Variants in FREM3 observed in about 807,000 individuals in gnomAD.
FREM3 encodes FRAS1-related extracellular matrix protein 3.
A neutral mutation model predicts 129.1 loss-of-function variants in FREM3; 105 were observed. That is an observed-to-expected ratio of 0.81 (90% CI 0.69 to 0.96). The LOEUF (loss-of-function observed/expected upper bound fraction) is 0.96. Ranked by LOEUF, FREM3 falls within the 40% of genes least tolerant of loss-of-function variation. The pLI is 0.00. For synonymous variants in FREM3, 1,014 were observed against 1,044.9 expected, an observed-to-expected ratio of 0.97 and a Z score of 0.57; for missense variants, 2,593 against 2,666.3, an observed-to-expected ratio of 0.97 and a Z score of 0.61.
At position 143,696,418 on chromosome 4, in the gene FREM3, C is replaced by T. The variant is rs574224108; in HGVS notation, c.4258G>A (p.Gly1420Ser). ...TCAGGGAAGACGCTGTCTAAGTTGC[C>T]AATGGTGACATAGAAGTAGTGGTCT... ...LTDHYFYVTI[G>S]NLDSVFPEVI... Residue 1420 changes from glycine to serine, a missense_variant, in exon 1 of 8, where the codon GGC (glycine) becomes AGC (serine). Gly to Ser is a moderately conservative substitution (Grantham distance 56, BLOSUM62 0). Around this residue, in one of 2 missense-constraint regions of FREM3, gnomAD observed 2,276 missense variants for 2,267.2 expected, o/e 1.00. Coordinates refer to ENST00000329798, the MANE Select transcript of FREM3 (RefSeq NM_001168235.2). 5.9e-6 allele frequency: 9 copies of T among 1,537,486 alleles called. No homozygotes were observed. The African/African-American group carries it at 1.1e-4, about 19-fold the overall frequency.
At chr4:143,588,001 G>T (rs985302657) in intron 6 of FREM3, among the ~76,000 whole-genome samples, 2 of 152,076 alleles carry the variant, frequency 1.3e-5, no homozygotes, top group Non-Finnish European at 2.9e-5. Flanking sequence ...TAAACTCCAG[G>T]AATACCACTT....
intron 2 of FREM3, among the ~76,000 whole-genome samples, chr4:143,658,477 A>T (rs1163919436): frequency 6.6e-6 from 1 of 152,196 alleles, no homozygotes; most frequent in Non-Finnish European, 1.5e-5. Flanking sequence ...TTTAAAAGCC[A>T]TCTAATTTAT....
rs1388078346 is a variant in FREM3, at chr4:143,696,685, TG to T, written c.3990del (p.Lys1331ArgfsTer28). The T allele has an allele frequency of 6.5e-7, 1 of 1,537,560 alleles. No individual in the cohort carries two copies. Among genetic ancestry groups the T allele is most frequent in the Non-Finnish European group, 8.7e-7 (1 of 1,146,888 alleles). On this transcript the variant is annotated frameshift_variant, in exon 1 of 8. Coordinates refer to ENST00000329798, the MANE Select transcript of FREM3 (RefSeq NM_001168235.2). LOFTEE classifies it high-confidence loss of function. ...TCATCTGAGTCAAGATCTGTGGCCT[TG>T]AGGATCCGATTTGTGATGATCTCAG... ...GHSEIITNRILKATDLDSDDK... is the reference protein window; with the variant it reads ...GHSEIITNRIXKATDLDSDDK...
chr4:143,675,339 CA>C (rs765296584), intron 2 of FREM3, among the ~76,000 whole-genome samples: 22 of 151,900 alleles, frequency 1.4e-4, no homozygotes, highest in Non-Finnish European at 3.1e-4. Flanking sequence ...TCTTTGAAAC[CA>C]ACGAGAACAA....
intron 5 of FREM3, among the ~76,000 whole-genome samples, chr4:143,613,538 C>T (rs1193058120): frequency 6.6e-6 from 1 of 152,172 alleles, no homozygotes; most frequent in Non-Finnish European, 1.5e-5. Context: ...TAGAAAGGCT[C>T]TCAAGATGAG....
chr4:143,680,876 AT>A (rs1227137446), intron 2 of FREM3, among the ~76,000 whole-genome samples: 1 of 152,134 alleles, frequency 6.6e-6, no homozygotes, highest in African/African-American at 2.4e-5. Context: ...CCTGATAAAT[AT>A]TTTTTAAATC....
At chr4:143,656,450 C>T (rs561207535) in intron 2 of FREM3, among the ~76,000 whole-genome samples, 2 of 152,156 alleles carry the variant, frequency 1.3e-5, no homozygotes, top group South Asian at 2.1e-4. Context: ...AAAAGCAGTA[C>T]CATATATACA....
At position 143,695,770 on chromosome 4, in the gene FREM3, G is replaced by A. The variant is rs747495035; in HGVS notation, c.4906C>T (p.Pro1636Ser). 2.3e-5 allele frequency: 35 copies of A among 1,537,160 alleles called. No homozygotes were observed. In the South Asian group the frequency reaches 4.0e-4, roughly 18 times the overall value. The change falls in exon 1 of 8, where the codon CCA becomes TCA. Residue 1636 changes from proline (P) to serine (S), a missense_variant. This residue lies in a region of FREM3 where 2,276 missense variants were observed against 2,267.2 expected (regional missense o/e 1.00). Transcript: ENST00000329798. ...TTGTGTGTCGCCAGGGCAGTGTCTG[G>A]TAGGACATAGAAATCAGTGTGAGTG... ...DGTHTDFYVLPDTALATHKPQ... is the reference protein window; with the variant it reads ...DGTHTDFYVLSDTALATHKPQ...
At chr4:143,669,455 AT>A (rs1160541264) in intron 2 of FREM3, among the ~76,000 whole-genome samples, 84 of 146,624 alleles carry the variant, frequency 5.7e-4, no homozygotes, top group East Asian at 9.9e-4. Flanking sequence ...GTTTAAAACA[AT>A]TTTTTTTTTT....
chr4:143,685,669 C>T (rs367722644), intron 2 of FREM3, among the ~76,000 whole-genome samples: 10 of 152,254 alleles, frequency 6.6e-5, no homozygotes, highest in African/African-American at 2.4e-4. Context: ...TAGTACTTCA[C>T]ATTTCAATAC....
chr4:143,645,207 T>A (rs1739394961), intron 2 of FREM3: 1 of 152,162 alleles, frequency 6.6e-6, no homozygotes, highest in African/African-American at 2.4e-5. Flanking sequence ...GGCGAAGACA[T>A]TCATGGTCTG....
At chr4:143,645,356 T>C (rs1739396388) in intron 2 of FREM3, among the ~76,000 whole-genome samples, 1 of 152,218 alleles carries the variant, frequency 6.6e-6, no homozygotes, top group African/African-American at 2.4e-5. Context: ...GAATAGTCAC[T>C]GGGATAGTTA....
chr4:143,665,124 T>G (rs1290499936), intron 2 of FREM3, among the ~76,000 whole-genome samples: 1 of 152,096 alleles, frequency 6.6e-6, no homozygotes, highest in East Asian at 1.9e-4. Flanking sequence ...TGGCACTCCC[T>G]AGTGAGATGA....
Position 143,604,810 on chromosome 4 carries a change from C to T in FREM3, c.6028+6469G>A, listed in dbSNP as rs1578831298. ...TGTGCTTGATCCTCAATAAATGTTA[C>T]AGAATCTGAATGCAAGTTCCCACAA... On this transcript the variant is annotated intron_variant, in intron 6 of 7. Coordinates refer to ENST00000329798, the MANE Select transcript of FREM3 (RefSeq NM_001168235.2). Among the ~76,000 whole-genome samples, 8 of 152,240 alleles carry T rather than the reference C, an allele frequency of 5.3e-5. No homozygotes were observed. The South Asian group carries it at 1.5e-3, about 28-fold the overall frequency.
At chr4:143,647,255 A>T (rs935779876) in intron 2 of FREM3, among the ~76,000 whole-genome samples, 4 of 152,130 alleles carry the variant, frequency 2.6e-5, no homozygotes, top group Admixed American at 2.6e-4. Context: ...AGAAATTTCT[A>T]TGTGACAAAG....
chr4:143,620,005 C>T (rs1338592725), intron 5 of FREM3, among the ~76,000 whole-genome samples: 2 of 152,134 alleles, frequency 1.3e-5, no homozygotes, highest in African/African-American at 2.4e-5. Context: ...AATGGCCATA[C>T]CATACATAAA....
In FREM3 at chr4:143,585,697, T is replaced by C. The variant is rs2149833535; in HGVS notation, c.6178+147A>G. 3 of 706,022 alleles carry C rather than the reference T, an allele frequency of 4.2e-6. No homozygotes were observed. Among genetic ancestry groups the C allele is most frequent in the Non-Finnish European group, 6.7e-6 (3 of 446,322 alleles). 43.7% of individuals were successfully genotyped at this position (706,022 alleles called of 1,614,324 possible). A position where few individuals can be genotyped will look rare whatever the true frequency, so the allele number is the denominator to read the frequency against. The stretch of plus-strand genomic sequence containing the variant: ...ATTTTGTAACCAGCAGAAGTCATTA[T>C]GTATACAAACCATCTACGTGCTGAA... On this transcript the variant is annotated intron_variant, in intron 7 of 7. Coordinates refer to ENST00000329798, the MANE Select transcript of FREM3 (RefSeq NM_001168235.2). The surrounding 1 kb of genome is among the most constrained non-coding windows in gnomAD (Gnocchi z 4.2).
intron 6 of FREM3, among the ~76,000 whole-genome samples, chr4:143,592,864 T>G (rs1286004671): frequency 6.6e-6 from 1 of 152,142 alleles, no homozygotes; most frequent in Admixed American, 6.5e-5. Flanking sequence ...TCCCCGTCAC[T>G]TTCAGGTACA....
At position 143,611,263 on chromosome 4, in the gene FREM3, C is replaced by T. The variant is rs1166004567; in HGVS notation, c.6028+16G>A. 2 of 1,526,078 alleles carry T rather than the reference C, an allele frequency of 1.3e-6. No individual in the cohort carries two copies. The highest frequency in any genetic ancestry group is 1.8e-6 in the Non-Finnish European group (2 of 1,138,328). The allele number at this position is 1,526,078 out of a possible 1,614,324, so 94.5% of individuals were successfully genotyped here. On this transcript the variant is annotated intron_variant, in intron 6 of 7. Coordinates refer to ENST00000329798, the MANE Select transcript of FREM3 (RefSeq NM_001168235.2). Reference sequence around the variant, plus strand: ...GCAGCTATTGCCAAAGGTTGGAAAGCAACAAATGGACTTACCATCATAACG... The same window carrying T: ...GCAGCTATTGCCAAAGGTTGGAAAGTAACAAATGGACTTACCATCATAACG...
Sources: gnomAD v4.1 joint callset for allele counts (sites outside exome capture counted in the v4.1 genomes callset) on GRCh38, gnomAD v4.1.1 for gene constraint, gnomAD v4.1.1 regional missense constraint, Gnocchi (gnomAD v3.1) non-coding constraint, MANE v1.5 for transcripts, NCBI Gene and HGNC (gene_info 2026-07-23, HGNC 2026-07-21) for gene names.